Variants in PTGFRN observed in about 807,000 individuals in gnomAD.
PTGFRN encodes prostaglandin F2 receptor inhibitor.
A neutral mutation model predicts 83.2 loss-of-function variants in PTGFRN; 35 were observed. The observed-to-expected ratio is 0.42, with a 90% CI of 0.32 to 0.56. The LOEUF (loss-of-function observed/expected upper bound fraction) is 0.56. Among genes scored for constraint, PTGFRN ranks in the 20% least tolerant of loss-of-function variants. The pLI is 0.11. For synonymous variants in PTGFRN, 519 were observed against 498.6 expected (o/e 1.04, Z -0.55); for missense variants, 1,051 against 1,179.5 (o/e 0.89, Z 1.60).
At position 116,945,536 on chromosome 1, in the gene PTGFRN, AGT is replaced by A. The variant is rs1644824851; in HGVS notation, c.832+450_832+451del. On this transcript the variant is annotated intron_variant, in intron 3 of 8. Transcript: ENST00000393203. The stretch of plus-strand genomic sequence containing the variant: ...ACGTGCCTTTCTCTGCAGCTGTTGG[AGT>A]GTGTGCCTGGCTCATCCCAAAACCT... Among the ~76,000 whole-genome samples, 5 of 152,040 alleles carry A rather than the reference AGT, an allele frequency of 3.3e-5. No homozygotes were observed. In the South Asian group the frequency reaches 1.0e-3, roughly 32 times the overall value.
intron 5 of PTGFRN, among the ~76,000 whole-genome samples, chr1:116,964,070 G>A (rs926065352): frequency 2.3e-5 from 3 of 132,894 alleles, no homozygotes; most frequent in Non-Finnish European, 3.2e-5. Context: ...ATGAGCCACC[G>A]TGCCGGGCGC....
chr1:116,926,740 C>G (rs138765134), intron 1 of PTGFRN, among the ~76,000 whole-genome samples: 20 of 152,200 alleles, frequency 1.3e-4, no homozygotes, highest in African/African-American at 4.8e-4. Context: ...ATTGTCTACT[C>G]AATACTTGGT....
rs371400807 is a variant in PTGFRN, at chr1:116,961,680, T to A, written c.1639+12T>A. On this transcript the variant is annotated intron_variant, in intron 5 of 8. Coordinates refer to ENST00000393203, the MANE Select transcript of PTGFRN (RefSeq NM_020440.4). The surrounding 1 kb of genome is among the most constrained non-coding windows in gnomAD (Gnocchi z 5.4). ...TTGGGCATTAGAAGGTAGGAACTTT[T>A]TTCTTGTTATTCATTTTTGTTTTGT... is the stretch of plus-strand genomic sequence containing the variant. The A allele has an allele frequency of 6.3e-7, 1 of 1,590,966 alleles. No individual in the cohort carries two copies. The highest frequency in any genetic ancestry group is 1.8e-5 in the Admixed American group (1 of 56,638).
intron 7 of PTGFRN, among the ~76,000 whole-genome samples, chr1:116,981,853 G>A (rs1469219412): frequency 2.0e-5 from 3 of 152,216 alleles, no homozygotes; most frequent in Non-Finnish European, 2.9e-5. Flanking sequence ...ACTGACCCCT[G>A]GACTAGTTGA....
At chr1:116,920,970 A>G (rs1649522782) in intron 1 of PTGFRN, among the ~76,000 whole-genome samples, 1 of 152,236 alleles carries the variant, frequency 6.6e-6, no homozygotes, top group African/African-American at 2.4e-5. Context: ...TCAGCTGGCT[A>G]AAAAATGTGC....
intron 7 of PTGFRN, among the ~76,000 whole-genome samples, chr1:116,983,748 C>T (rs140085042): frequency 2.6e-5 from 4 of 152,070 alleles, no homozygotes; most frequent in Admixed American, 6.5e-5. Flanking sequence ...ATCTCTTGTT[C>T]GGCAAAAAAT....
intron 7 of PTGFRN, among the ~76,000 whole-genome samples, chr1:116,977,368 G>A (rs1481952939): frequency 2.0e-5 from 3 of 152,038 alleles, no homozygotes; most frequent in East Asian, 3.9e-4. Flanking sequence ...TGCACCAAGT[G>A]GACCTAATAG....
Position 116,974,316 on chromosome 1 carries a change from G to T in PTGFRN, c.2160G>T (p.Leu720=), listed in dbSNP as rs199908482. ...TCATCACTGTCGAGGGAGCAGCACT[G>T]GATCCAGGTACCTCACTCCATCCTC... The part of the protein sequence containing the change: ...FCIITVEGAA[L]DPDDMAFDVS... The change falls in exon 7 of 9, where the codon CTG becomes CTT. Residue 720 remains leucine, a synonymous_variant. Coordinates refer to ENST00000393203, the MANE Select transcript of PTGFRN (RefSeq NM_020440.4). 101 of 1,603,386 alleles carry T rather than the reference G, an allele frequency of 6.3e-5. 2 individuals are homozygous for T. In the East Asian group the frequency reaches 2.3e-3, roughly 36 times the overall value.
rs1245703509 is a variant in PTGFRN at position 116,958,155 on chromosome 1, C to T, written c.1214-3088C>T. ...GAATCTGCACGGGGGTGGAAGTAAA[C>T]CATTAAGGATCAAAGGGTCTGTCAC... On this transcript the variant is annotated intron_variant, in intron 4 of 8. Coordinates refer to ENST00000393203, the MANE Select transcript of PTGFRN (RefSeq NM_020440.4). The surrounding 1 kb of genome is among the most constrained non-coding windows in gnomAD (Gnocchi z 4.9). 1.3e-5 allele frequency among the ~76,000 whole-genome samples: 2 copies of T among 152,022 alleles called. No individual in the cohort carries two copies. Among genetic ancestry groups the T allele is most frequent in the African/African-American group, 4.8e-5 (2 of 41,370 alleles).
chr1:116,960,786 C>G (rs550642949), intron 4 of PTGFRN, among the ~76,000 whole-genome samples: 9 of 152,200 alleles, frequency 5.9e-5, no homozygotes, highest in Non-Finnish European at 1.0e-4. Flanking sequence ...TGATGGGCCT[C>G]GAGTTCTGGA....
At chr1:116,914,859 T>G (rs1649362243) in intron 1 of PTGFRN, among the ~76,000 whole-genome samples, 1 of 151,676 alleles carries the variant, frequency 6.6e-6, no homozygotes, top group South Asian at 2.1e-4. Context: ...TTTTTTTTCC[T>G]CATAGCTTCT....
intron 7 of PTGFRN, among the ~76,000 whole-genome samples, chr1:116,977,457 A>G (rs1476402377): frequency 2.6e-5 from 4 of 152,322 alleles, no homozygotes; most frequent in East Asian, 3.9e-4. Flanking sequence ...TCCAAAATTT[A>G]CTTCCAAAAT....
intron 5 of PTGFRN, among the ~76,000 whole-genome samples, chr1:116,965,624 C>A (rs995549523): frequency 4.1e-5 from 4 of 98,488 alleles, no homozygotes; most frequent in African/African-American, 1.1e-4. Flanking sequence ...GTGAGGATGT[C>A]CCTGATCACT....
chr1:116,950,401 A>G (rs1007703520), intron 4 of PTGFRN, among the ~76,000 whole-genome samples: 2 of 151,520 alleles, frequency 1.3e-5, no homozygotes, highest in Non-Finnish European at 2.9e-5. Context: ...TATTACAGAG[A>G]TGGGACAGGC....
At chr1:116,972,313 C>T (rs1405433660) in intron 6 of PTGFRN, among the ~76,000 whole-genome samples, 5 of 152,228 alleles carry the variant, frequency 3.3e-5, no homozygotes, top group South Asian at 4.1e-4. Context: ...GAGTTACGTA[C>T]GCCCCTGCTG....
chr1:116,910,110 C>T lies in PTGFRN; in HGVS notation c.-94C>T, dbSNP rs779198589. 2 of 1,370,078 alleles carry T rather than the reference C, an allele frequency of 1.5e-6. No individual in the cohort carries two copies. The highest frequency in any genetic ancestry group is 1.2e-5 in the South Asian group (1 of 80,298). The allele number at this position is 1,370,078 out of a possible 1,614,324, so 84.9% of individuals were successfully genotyped here. A position where few individuals can be genotyped will look rare whatever the true frequency, so the allele number is the denominator to read the frequency against. On this transcript the variant is annotated 5_prime_UTR_variant, in exon 1 of 9. Coordinates refer to ENST00000393203, the MANE Select transcript of PTGFRN (RefSeq NM_020440.4). ...CAGGCGCGCGGCCCAGGCGGAGGAGCGCCGACTCTGGAGCAGCCGGAGCTG... is the reference window on the plus strand; with the variant it reads ...CAGGCGCGCGGCCCAGGCGGAGGAGTGCCGACTCTGGAGCAGCCGGAGCTG...
chr1:116,966,120 A>G (rs571896269), intron 5 of PTGFRN, among the ~76,000 whole-genome samples: 26 of 152,252 alleles, frequency 1.7e-4, no homozygotes, highest in Admixed American at 1.6e-3. Flanking sequence ...TCATCCACTC[A>G]ACAAATATTT....
chr1:116,910,392 G>T, intron 1 of PTGFRN, 140 bp downstream of exon 1: 1 of 719,422 alleles, frequency 1.4e-6, no homozygotes, highest in Non-Finnish European at 1.8e-6. Flanking sequence ...GGGTGCGCGG[G>T]TTGTTCGGCC....
chr1:116,951,822 G>C (rs1037567615), intron 4 of PTGFRN, among the ~76,000 whole-genome samples: 1 of 152,166 alleles, frequency 6.6e-6, no homozygotes, highest in Non-Finnish European at 1.5e-5. Flanking sequence ...AAGCCAGTGA[G>C]CCTGGCCTGA....
Sources: gnomAD v4.1 joint callset for allele counts (sites outside exome capture counted in the v4.1 genomes callset) on GRCh38, gnomAD v4.1.1 for gene constraint, Gnocchi (gnomAD v3.1) non-coding constraint, MANE v1.5 for transcripts, NCBI Gene and HGNC (gene_info 2026-07-23, HGNC 2026-07-21) for gene names.